The following EGFR variants were observed in gnomAD, a reference collection of about 807,000 sequenced individuals.
EGFR encodes the protein epidermal growth factor receptor, also known as avian erythroblastic leukemia viral (v-erb-b) oncogene homolog.
In EGFR, 58 loss-of-function variants were observed where a neutral mutation model predicts 143.0. That is an observed-to-expected ratio of 0.41 (90% confidence interval 0.33 to 0.50). The LOEUF is 0.50. Among genes scored for constraint, EGFR ranks in the 20% least tolerant of loss-of-function variants. The probability of loss-of-function intolerance (pLI) is 0.39; values close to 1 mark genes in which losing one functional copy is unlikely to be tolerated. For synonymous variants in EGFR, 613 were observed against 594.4 expected (o/e 1.03, Z -0.45); for missense variants, 1,307 against 1,579.0 (o/e 0.83, Z 2.92).
chr7:55,026,957 C>G (rs1324522581), intron 1 of EGFR, among the ~76,000 whole-genome samples: 1 of 152,178 alleles, frequency 6.6e-6, no homozygotes, highest in East Asian at 1.9e-4. Context: ...GTTGGAGATG[C>G]ACACTCTTGG....
intron 1 of EGFR, among the ~76,000 whole-genome samples, chr7:55,060,941 G>A (rs536395953): frequency 6.6e-6 from 1 of 152,268 alleles, no homozygotes; most frequent in East Asian, 1.9e-4. Flanking sequence ...CTTGGACATG[G>A]CCAAGTTGAC....
chr7:55,172,038 C>T (rs1463319057), intron 16 of EGFR, among the ~76,000 whole-genome samples: 1 of 152,144 alleles, frequency 6.6e-6, no homozygotes, highest in Non-Finnish European at 1.5e-5. Context: ...AAGACTGGGT[C>T]CCCTTCCACT....
chr7:55,178,567 G>A (rs1786709642), intron 19 of EGFR, among the ~76,000 whole-genome samples: 2 of 152,212 alleles, frequency 1.3e-5, no homozygotes, highest in African/African-American at 4.8e-5. Flanking sequence ...GTGGCCTCAG[G>A]TGGGCCGTTC....
chr7:55,032,793 G>A (rs1302840737), intron 1 of EGFR, among the ~76,000 whole-genome samples: 2 of 152,130 alleles, frequency 1.3e-5, no homozygotes, highest in African/African-American at 2.4e-5. Flanking sequence ...GAATATATAT[G>A]TCATTTATTA....
intron 20 of EGFR, among the ~76,000 whole-genome samples, chr7:55,185,780 A>G (rs545681252): frequency 6.6e-6 from 1 of 152,344 alleles, no homozygotes; most frequent in African/African-American, 2.4e-5. Context: ...TGGCTTACAC[A>G]TGGCACTCTC....
intron 1 of EGFR, among the ~76,000 whole-genome samples, chr7:55,037,557 C>G (rs1787663240): frequency 6.6e-6 from 1 of 152,240 alleles, no homozygotes; most frequent in Admixed American, 6.5e-5. Context: ...AGGATAGCCT[C>G]ATACCCCTCA....
At chr7:55,167,672 A>C (rs1786131733) in intron 15 of EGFR, among the ~76,000 whole-genome samples, 1 of 151,000 alleles carries the variant, frequency 6.6e-6, no homozygotes. Context: ...GTTGGTGGTG[A>C]GGAGGTGGAA....
At chr7:55,067,645 C>T (rs115383070) in intron 1 of EGFR, among the ~76,000 whole-genome samples, 1,554 of 151,228 alleles carry the variant, frequency 0.01, 115 homozygotes, top group African/African-American at 0.037. Context: ...TTAATTTTTT[C>T]CTGAGGGGAA....
At chr7:55,117,598 T>A (rs933031830) in intron 1 of EGFR, among the ~76,000 whole-genome samples, 1 of 152,038 alleles carries the variant, frequency 6.6e-6, no homozygotes, top group Non-Finnish European at 1.5e-5. Context: ...CTTTAATAGA[T>A]CTCTGTTATA....
intron 1 of EGFR, among the ~76,000 whole-genome samples, chr7:55,056,668 T>C (rs1252775187): frequency 6.6e-6 from 1 of 152,250 alleles, no homozygotes; most frequent in African/African-American, 2.4e-5. Flanking sequence ...CATGGAAAAT[T>C]CTCAGCTTTT....
At chr7:55,054,959 G>T (rs1788716114) in intron 1 of EGFR, among the ~76,000 whole-genome samples, 1 of 152,196 alleles carries the variant, frequency 6.6e-6, no homozygotes. Context: ...CGTGTGGCGA[G>T]ATGCACCCTC....
At position 55,186,325 on chromosome 7, in the gene EGFR, G is replaced by A. The variant is rs889198563; in HGVS notation, c.2469+4847G>A. Among the ~76,000 whole-genome samples, 9 of 152,300 alleles carry A rather than the reference G, an allele frequency of 5.9e-5. No homozygotes were observed. In the East Asian group the frequency reaches 1.2e-3, roughly 20 times the overall value. ...TGCAAGGCAGGTCCCAGAGGGCTCCGGCCTTCGTCATCCAGGTTTGCTCCC... is the reference window on the plus strand; with the variant it reads ...TGCAAGGCAGGTCCCAGAGGGCTCCAGCCTTCGTCATCCAGGTTTGCTCCC... On this transcript the variant is annotated intron_variant, in intron 20 of 27. Transcript: ENST00000275493.
chr7:55,179,059 G>T (rs1350676905), intron 19 of EGFR, among the ~76,000 whole-genome samples: 1 of 152,234 alleles, frequency 6.6e-6, no homozygotes, highest in Non-Finnish European at 1.5e-5. Context: ...GGAGACTTGA[G>T]TCAACGTAAG....
At chr7:55,203,162 CACACATACCATACACAG>C (rs1018350151) in intron 27 of EGFR, 3 of 240,968 alleles carry the variant, frequency 1.2e-5, no homozygotes, top group African/African-American at 6.7e-5. Flanking sequence ...ACAGACACCA[CACACATACCATACACAG>C]ACACATACAC....
In EGFR at chr7:55,206,101, G is replaced by C; in HGVS notation, c.*484G>C. ...CTTCCAGAGGATGCTTGATTCCAGT[G>C]GTTCTGCTTCAAGGCTTCCACTGCA... On this transcript the variant is annotated 3_prime_UTR_variant, in exon 28 of 28. Transcript: ENST00000275493. The C allele has an allele frequency of 3.1e-6, 1 of 318,674 alleles. No homozygotes were observed. The highest frequency in any genetic ancestry group is 5.8e-6 in the Non-Finnish European group (1 of 171,980). 19.7% of individuals were successfully genotyped at this position (318,674 alleles called of 1,614,324 possible). A position where few individuals can be genotyped will look rare whatever the true frequency, so the allele number is the denominator to read the frequency against.
chr7:55,070,911 G>T (rs891348554), intron 1 of EGFR, among the ~76,000 whole-genome samples: 2 of 152,246 alleles, frequency 1.3e-5, no homozygotes, highest in Admixed American at 1.3e-4. Context: ...GATCCTAGGA[G>T]AATCTTATTT....
intron 10 of EGFR, chr7:55,157,052 C>A: frequency 1.7e-6 from 2 of 1,189,610 alleles, no homozygotes; most frequent in Non-Finnish European, 2.3e-6. Flanking sequence ...TGTAAACACG[C>A]TTTCTCCCTC....
At chr7:55,153,159 G>A (rs924595137) in intron 6 of EGFR, among the ~76,000 whole-genome samples, 8 of 152,196 alleles carry the variant, frequency 5.3e-5, no homozygotes, top group African/African-American at 1.7e-4. Flanking sequence ...CTCCTGACAC[G>A]GATCCCTCGG....
intron 1 of EGFR, among the ~76,000 whole-genome samples, chr7:55,052,402 C>G (rs986858828): frequency 6.6e-6 from 1 of 152,230 alleles, no homozygotes; most frequent in Admixed American, 6.5e-5. Flanking sequence ...GATGTCCCTG[C>G]CTGAGTCGCC....
Sources: gnomAD v4.1 joint callset for allele counts (sites outside exome capture counted in the v4.1 genomes callset) on GRCh38, gnomAD v4.1.1 for gene constraint, MANE v1.5 for transcripts, NCBI Gene and HGNC (gene_info 2026-07-23, HGNC 2026-07-21) for gene names.